MERTK: variants seen among roughly 807,000 people sequenced by gnomAD.
MERTK encodes tyrosine-protein kinase Mer.
A neutral mutation model predicts 99.3 loss-of-function variants in MERTK; 69 were observed. That is an observed-to-expected ratio of 0.70 (90% CI 0.57 to 0.85). MERTK has a LOEUF of 0.85. Among genes scored for constraint, MERTK ranks in the 40% least tolerant of loss-of-function variants. MERTK has a pLI of 0.00. For synonymous variants in MERTK, 426 were observed against 467.6 expected (o/e 0.91, Z 1.15); for missense variants, 1,125 against 1,249.4 (o/e 0.90, Z 1.50).
At chr2:111,940,335 C>A (rs1262251960) in intron 2 of MERTK, 2 of 512,562 alleles carry the variant, frequency 3.9e-6, no homozygotes, top group Non-Finnish European at 7.8e-6. Context: ...TGTGGTCTGT[C>A]CTTGCATCAG....
chr2:111,959,473 C>G (rs536409151), intron 4 of MERTK, among the ~76,000 whole-genome samples: 1 of 150,014 alleles, frequency 6.7e-6, no homozygotes, highest in South Asian at 2.1e-4. Context: ...TTGTTTGTTT[C>G]TTTTTGGTTT....
chr2:111,983,883 G>A (rs1676420877), intron 8 of MERTK, among the ~76,000 whole-genome samples: 2 of 152,364 alleles, frequency 1.3e-5, no homozygotes, highest in South Asian at 4.1e-4. Context: ...CTTGGAGCCT[G>A]TGGCAGACTG....
chr2:111,911,689 C>CTTTTTT (rs34867670), intron 1 of MERTK, among the ~76,000 whole-genome samples: 3 of 57,730 alleles, frequency 5.2e-5, no homozygotes, highest in African/African-American at 7.9e-5. Context: ...AGCGCCCAGC[C>CTTTTTT]TTTTTTTTTT....
At chr2:111,992,764 AAAG>A (rs1676652412) in intron 8 of MERTK, among the ~76,000 whole-genome samples, 1 of 148,238 alleles carries the variant, frequency 6.7e-6, no homozygotes, top group Admixed American at 6.6e-5. Context: ...AAAAAAAAAA[AAAG>A]AAAGAAAAAA....
chr2:111,975,533 C>T, intron 7 of MERTK, 61 bp downstream of exon 7: 1 of 1,554,702 alleles, frequency 6.4e-7, no homozygotes, highest in East Asian at 2.2e-5. Flanking sequence ...ACAAACCCTT[C>T]CCAGTGGCCT....
At chr2:111,977,225 C>T (rs1230880453) in intron 7 of MERTK, among the ~76,000 whole-genome samples, 1 of 150,826 alleles carries the variant, frequency 6.6e-6, no homozygotes, top group Non-Finnish European at 1.5e-5. Context: ...GTATTCAGCT[C>T]CTGTAGTCTG....
chr2:111,961,342 T>C (rs1285178622), intron 4 of MERTK, among the ~76,000 whole-genome samples: 2 of 151,772 alleles, frequency 1.3e-5, no homozygotes, highest in African/African-American at 2.4e-5. Context: ...TTTGTATTTT[T>C]AGTAGAGACA....
At chr2:111,931,102 A>G (rs1684661457) in intron 2 of MERTK, among the ~76,000 whole-genome samples, 1 of 152,170 alleles carries the variant, frequency 6.6e-6, no homozygotes, top group South Asian at 2.1e-4. Context: ...CATGCCTTTT[A>G]GTGAATCATT....
chr2:111,990,957 T>G (rs1676603611), intron 8 of MERTK, among the ~76,000 whole-genome samples: 1 of 152,184 alleles, frequency 6.6e-6, no homozygotes, highest in Non-Finnish European at 1.5e-5. Context: ...GATTCTCTCA[T>G]AAGTGAGGTA....
intron 15 of MERTK, among the ~76,000 whole-genome samples, chr2:112,011,385 G>A (rs957704220): frequency 6.6e-5 from 10 of 152,130 alleles, no homozygotes; most frequent in African/African-American, 2.4e-4. Flanking sequence ...CAGTGGCCTA[G>A]GGTCAGCCAG....
At chr2:111,945,142 A>G in intron 3 of MERTK, 82 bp downstream of exon 3, 1 of 1,135,924 alleles carries the variant, frequency 8.8e-7, no homozygotes, top group Non-Finnish European at 1.3e-6. Context: ...ATAATACTCT[A>G]GAGTTTTGCC....
chr2:112,022,236 CTTG>C lies in MERTK; in HGVS notation c.2350-15_2350-13del, dbSNP rs769055227. The C allele has an allele frequency of 1.6e-4, 262 of 1,614,204 alleles. 2 individuals carry two copies. In the South Asian group the frequency reaches 2.2e-3, roughly 14 times the overall value. ...CTTTGTGGAAAGGCTTGCATCCTAA[CTTG>C]TTGTTGCTTTGTTCCCAGTGGGCAT... On this transcript the variant is annotated intron_variant, in intron 17 of 18. Coordinates refer to ENST00000295408, the MANE Select transcript of MERTK (RefSeq NM_006343.3).
At chr2:111,949,878 C>T (rs1685025191) in intron 4 of MERTK, among the ~76,000 whole-genome samples, 1 of 152,134 alleles carries the variant, frequency 6.6e-6, no homozygotes, top group African/African-American at 2.4e-5. Flanking sequence ...GTGGCTTCTT[C>T]CACTCAACAT....
chr2:111,916,190 C>T (rs1232325136), intron 1 of MERTK, among the ~76,000 whole-genome samples: 1 of 152,016 alleles, frequency 6.6e-6, no homozygotes, highest in African/African-American at 2.4e-5. Flanking sequence ...CTGATGGCAC[C>T]ATCTTGGCTC....
intron 4 of MERTK, among the ~76,000 whole-genome samples, chr2:111,950,077 C>T (rs921503076): frequency 1.3e-5 from 2 of 152,064 alleles, no homozygotes; most frequent in Non-Finnish European, 2.9e-5. Context: ...AGCCGAATTA[C>T]AGGCACCTGC....
intron 6 of MERTK, among the ~76,000 whole-genome samples, chr2:111,970,106 T>C (rs1676072608): frequency 6.6e-6 from 1 of 152,058 alleles, no homozygotes. Flanking sequence ...CCAGGAATGG[T>C]CTTTTTTGTG....
intron 1 of MERTK, 72 bp from the exon 2 acceptor site, chr2:111,929,048 T>C: frequency 4.5e-6 from 7 of 1,555,998 alleles, no homozygotes; most frequent in Non-Finnish European, 6.2e-6. Context: ...CTTCTTGGCC[T>C]AAGAAGTTGG....
intron 4 of MERTK, among the ~76,000 whole-genome samples, chr2:111,961,301 C>T (rs908041479): frequency 7.3e-5 from 11 of 151,146 alleles, no homozygotes; most frequent in African/African-American, 2.7e-4. Flanking sequence ...GCTGGGACTA[C>T]AGGCGCCCGC....
chr2:111,924,870 C>G (rs148521572), intron 1 of MERTK, among the ~76,000 whole-genome samples: 1 of 152,296 alleles, frequency 6.6e-6, no homozygotes, highest in East Asian at 1.9e-4. Context: ...CCTTTACTCA[C>G]TCATTCAACA....
Sources: gnomAD v4.1 joint callset for allele counts (sites outside exome capture counted in the v4.1 genomes callset) on GRCh38, gnomAD v4.1.1 for gene constraint, MANE v1.5 for transcripts, NCBI Gene and HGNC (gene_info 2026-07-23, HGNC 2026-07-21) for gene names.